GRAMD4: variants seen among roughly 807,000 people sequenced by gnomAD.
GRAMD4 encodes GRAM domain containing 4, also known as GRAM domain-containing protein 4.
A neutral mutation model predicts 83.9 loss-of-function variants in GRAMD4; 25 were observed. The ratio of observed to expected loss-of-function variants is 0.30; its 90% CI spans 0.22 to 0.42. The LOEUF is 0.42. GRAMD4 is among the 10% of genes least tolerant of loss of function. The pLI, the probability that GRAMD4 is intolerant of heterozygous loss-of-function variation, is 1.00. For synonymous variants in GRAMD4, 336 were observed against 320.9 expected (o/e 1.05, Z -0.50); for missense variants, 593 against 788.7 (o/e 0.75, Z 2.97).
intron 1 of GRAMD4, among the ~76,000 whole-genome samples, chr22:46,589,967 T>A (rs2081190616): frequency 6.6e-6 from 1 of 152,218 alleles, no homozygotes; most frequent in South Asian, 2.1e-4. Context: ...TGCTGCCTGG[T>A]TCCTGCGGCA....
In GRAMD4 at chr22:46,677,315, T is replaced by A; in HGVS notation, c.*64T>A. ...CTTTTTCTTTTTCTTTTTTTTTTTT[T>A]ACGATTTGGTAGTGGAAACAATTGG... is the stretch of plus-strand genomic sequence containing the variant. On this transcript the variant is annotated 3_prime_UTR_variant, in exon 19 of 19. Transcript: ENST00000406902. 18 of 1,496,672 alleles carry A rather than the reference T, an allele frequency of 1.2e-5. No individual in the cohort carries two copies. The highest frequency in any genetic ancestry group is 1.5e-5 in the Non-Finnish European group (17 of 1,124,738). 92.7% of individuals were successfully genotyped at this position (1,496,672 alleles called of 1,614,324 possible). A position where few individuals can be genotyped will look rare whatever the true frequency, so the allele number is the denominator to read the frequency against.
chr22:46,663,383 C>T lies in GRAMD4; in HGVS notation c.599+211C>T, dbSNP rs1198837025. On this transcript the variant is annotated intron_variant, in intron 6 of 18. Coordinates refer to ENST00000406902, the MANE Select transcript of GRAMD4 (RefSeq NM_015124.5). ...CGCTTAGGTGCAGCAGAGCTGCATG[C>T]GCGCACTGCTCTCAGCTGTGGCTTG... Among the ~76,000 whole-genome samples the T allele has an allele frequency of 2.6e-5, 4 of 152,236 alleles. No homozygotes were observed. In the East Asian group the frequency reaches 5.8e-4, roughly 22 times the overall value.
rs760621517 is a variant in GRAMD4 at position 46,677,239 on chromosome 22, C to T, written c.1725C>T (p.Gly575=). 20 of 1,612,656 alleles carry T rather than the reference C, an allele frequency of 1.2e-5. 1 individual carries two copies. Among genetic ancestry groups the T allele is most frequent in the East Asian group, 2.2e-5 (1 of 44,890 alleles). ...AGATCACCTCAGCGGCAGCGTCTGG[C>T]GGGGACAGCTAGTATTGACTTGCCC... is the stretch of plus-strand genomic sequence containing the variant. ...YIKITSAAAS[G]GDS Residue 575 remains glycine, a synonymous_variant, in exon 19 of 19, where the codon GGC becomes GGT. Transcript: ENST00000406902.
chr22:46,607,643 G>T (rs1455990515), intron 1 of GRAMD4, among the ~76,000 whole-genome samples: 5 of 152,196 alleles, frequency 3.3e-5, no homozygotes, highest in Non-Finnish European at 7.3e-5. Flanking sequence ...ACCAGTCCCA[G>T]CCACCGCCCT....
chr22:46,603,952 T>C (rs2081341252), intron 1 of GRAMD4, among the ~76,000 whole-genome samples: 1 of 152,210 alleles, frequency 6.6e-6, no homozygotes, highest in African/African-American at 2.4e-5. Flanking sequence ...TTTGGTCTAA[T>C]CTGAATTTAT....
intron 3 of GRAMD4, among the ~76,000 whole-genome samples, chr22:46,650,826 C>G (rs2082155220): frequency 6.6e-6 from 1 of 152,218 alleles, no homozygotes; most frequent in Admixed American, 6.5e-5. Flanking sequence ...GTGGGGCTGC[C>G]TGCAGGACCA....
chr22:46,633,663 C>T (rs527477344), intron 2 of GRAMD4, among the ~76,000 whole-genome samples: 10 of 152,358 alleles, frequency 6.6e-5, no homozygotes, highest in African/African-American at 2.4e-4. Flanking sequence ...CTGGGGACCC[C>T]AGCCTGCCTT....
intron 4 of GRAMD4, among the ~76,000 whole-genome samples, chr22:46,660,236 C>A (rs771755015): frequency 1.3e-5 from 2 of 152,208 alleles, no homozygotes; most frequent in Non-Finnish European, 2.9e-5. Flanking sequence ...AGTGAAGGAA[C>A]ATCCAGGCTG....
At chr22:46,600,670 C>A (rs890087681) in intron 1 of GRAMD4, among the ~76,000 whole-genome samples, 32 of 152,106 alleles carry the variant, frequency 2.1e-4, no homozygotes, top group Non-Finnish European at 3.2e-4. Flanking sequence ...GTCGCAGAGC[C>A]CCTTACAGCC....
chr22:46,634,144 C>G (rs900491218), intron 2 of GRAMD4, among the ~76,000 whole-genome samples: 2 of 152,156 alleles, frequency 1.3e-5, no homozygotes, highest in Non-Finnish European at 2.9e-5. Flanking sequence ...AAGGTGGGCC[C>G]TGCCGAGGGC....
chr22:46,624,953 T>C (rs1432476460), intron 1 of GRAMD4, among the ~76,000 whole-genome samples: 4 of 150,762 alleles, frequency 2.7e-5, no homozygotes, highest in Non-Finnish European at 5.9e-5. Flanking sequence ...CTCCGCCTCC[T>C]GGGTTCATGC....
At chr22:46,581,320 CA>C (rs1276477880) in intron 1 of GRAMD4, among the ~76,000 whole-genome samples, 2 of 152,256 alleles carry the variant, frequency 1.3e-5, no homozygotes, top group African/African-American at 4.8e-5. Flanking sequence ...CGAATTGTCT[CA>C]ACCAAGTCTG....
At chr22:46,657,109 T>G (rs2082255540) in intron 3 of GRAMD4, among the ~76,000 whole-genome samples, 3 of 152,184 alleles carry the variant, frequency 2.0e-5, no homozygotes, top group Admixed American at 2.0e-4. Flanking sequence ...CCTGAGCCTG[T>G]CAAGGAGACA....
At chr22:46,668,013 G>A in intron 10 of GRAMD4, 83 bp from the exon 11 acceptor site, 1 of 963,754 alleles carries the variant, frequency 1.0e-6, no homozygotes, top group Non-Finnish European at 1.6e-6. Context: ...CCCTGGGGCT[G>A]GGAGGGCTCC....
intron 2 of GRAMD4, among the ~76,000 whole-genome samples, chr22:46,634,490 G>C (rs747914765): frequency 6.6e-6 from 1 of 152,226 alleles, no homozygotes; most frequent in Non-Finnish European, 1.5e-5. Context: ...AAGGGTGGGC[G>C]AATGGCGGGA....
chr22:46,592,752 C>G (rs1475516640), intron 1 of GRAMD4, among the ~76,000 whole-genome samples: 1 of 152,130 alleles, frequency 6.6e-6, no homozygotes, highest in Non-Finnish European at 1.5e-5. Flanking sequence ...GACACCGCGC[C>G]CGGCACCTCC....
intron 1 of GRAMD4, among the ~76,000 whole-genome samples, chr22:46,595,488 C>G (rs1476498703): frequency 2.0e-5 from 3 of 152,256 alleles, no homozygotes; most frequent in African/African-American, 7.2e-5. Flanking sequence ...TGTTCTGGGC[C>G]TGGTGGTCAG....
At chr22:46,618,141 A>G (rs549091515), upstream of GRAMD4, among the ~76,000 whole-genome samples, 10 of 151,238 alleles carry the variant, frequency 6.6e-5, no homozygotes, top group African/African-American at 2.5e-4. The surrounding 1 kb of genome is among the most constrained non-coding windows in gnomAD (Gnocchi z 5.8). Flanking sequence ...CACTCTCTGA[A>G]CAAGTGTTTG....
At chr22:46,596,904 C>T (rs541464761) in intron 1 of GRAMD4, among the ~76,000 whole-genome samples, 2 of 152,256 alleles carry the variant, frequency 1.3e-5, no homozygotes, top group South Asian at 4.2e-4. Context: ...CTTTTTTCCA[C>T]CTGTCACTGA....
Sources: allele counts gnomAD v4.1 joint callset (sites outside exome capture counted in the v4.1 genomes callset), GRCh38; gene constraint gnomAD v4.1.1; non-coding constraint Gnocchi (gnomAD v3.1); transcripts MANE v1.5; gene names NCBI Gene and HGNC (gene_info 2026-07-23, HGNC 2026-07-21).